The following ATP6V1E1 variants were observed in gnomAD, a reference collection of about 807,000 sequenced individuals.
ATP6V1E1 encodes V-type proton ATPase subunit E 1.
In ATP6V1E1, 21 loss-of-function variants were observed where a neutral mutation model predicts 35.2. The ratio of observed to expected loss-of-function variants is 0.60; its 90% CI spans 0.42 to 0.86. The LOEUF (loss-of-function observed/expected upper bound fraction) is 0.86, where lower values mean the gene tolerates loss of function less well. Among genes scored for constraint, ATP6V1E1 ranks in the 40% least tolerant of loss-of-function variants. The pLI, the probability that ATP6V1E1 is intolerant of heterozygous loss-of-function variation, is 0.00. For missense variants in ATP6V1E1, 183 were observed against 272.6 expected (o/e 0.67, Z 2.32); for synonymous variants, 83 against 87.8 (o/e 0.95, Z 0.30).
chr22:17,628,428 G>A (rs2057936177), intron 1 of ATP6V1E1, among the ~76,000 whole-genome samples, 175 bp downstream of exon 1: 1 of 152,270 alleles, frequency 6.6e-6, no homozygotes, highest in African/African-American at 2.4e-5. Context: ...AAAGTCACAT[G>A]AGCTGCGGGG....
intron 1 of ATP6V1E1, among the ~76,000 whole-genome samples, chr22:17,627,707 G>A (rs1245375124): frequency 6.7e-6 from 1 of 150,244 alleles, no homozygotes; most frequent in Non-Finnish European, 1.5e-5. Context: ...TGTAATCCCA[G>A]CTTCTAGGGA....
intron 2 of ATP6V1E1, 84 bp downstream of exon 2, chr22:17,619,377 G>T: frequency 8.6e-7 from 1 of 1,161,746 alleles, no homozygotes; most frequent in Non-Finnish European, 1.2e-6. Context: ...CTGTTGTTAA[G>T]CAGTTTTACT....
At chr22:17,594,135 G>A (rs988863829) in intron 8 of ATP6V1E1, among the ~76,000 whole-genome samples, 9 of 152,094 alleles carry the variant, frequency 5.9e-5, no homozygotes, top group African/African-American at 1.9e-4. Context: ...CTGGGAGGTG[G>A]AAGTTGCAGT....
At chr22:17,620,027 G>C (rs2146315080) in intron 1 of ATP6V1E1, among the ~76,000 whole-genome samples, 1 of 152,220 alleles carries the variant, frequency 6.6e-6, no homozygotes, top group East Asian at 1.9e-4. Flanking sequence ...AGTCTCACTT[G>C]CACCCTTCTC....
intron 5 of ATP6V1E1, chr22:17,600,736 C>T (rs1048219050): frequency 6.1e-6 from 1 of 164,902 alleles, no homozygotes; most frequent in South Asian, 1.8e-4. Flanking sequence ...AAAACATATA[C>T]AGTGTTTGGT....
intron 4 of ATP6V1E1, among the ~76,000 whole-genome samples, chr22:17,608,472 C>G (rs537271062): frequency 6.6e-6 from 1 of 152,298 alleles, no homozygotes; most frequent in East Asian, 1.9e-4. Flanking sequence ...GTCATTTATG[C>G]TGGAATGCAG....
At chr22:17,604,386 C>T (rs931884142) in intron 4 of ATP6V1E1, among the ~76,000 whole-genome samples, 2 of 152,212 alleles carry the variant, frequency 1.3e-5, no homozygotes, top group African/African-American at 4.8e-5. Flanking sequence ...CTGAACCTAA[C>T]TGCCCTGAGG....
chr22:17,615,297 T>C (rs546559948), intron 2 of ATP6V1E1, among the ~76,000 whole-genome samples: 2 of 152,018 alleles, frequency 1.3e-5, no homozygotes, highest in South Asian at 2.1e-4. Flanking sequence ...CAAGACTCCA[T>C]CCAAAAAAAA....
At chr22:17,597,016 C>T (rs978649443) in intron 7 of ATP6V1E1, among the ~76,000 whole-genome samples, 2 of 151,836 alleles carry the variant, frequency 1.3e-5, no homozygotes, top group Admixed American at 6.6e-5. Context: ...GCCGAGCGGG[C>T]AGATCACGAG....
In ATP6V1E1 at chr22:17,628,667, G is replaced by A. The variant is rs1175011075; in HGVS notation, c.-32C>T. On this transcript the variant is annotated 5_prime_UTR_variant, in exon 1 of 9. Transcript: ENST00000253413. ...AGCAATGCTAGGCCGGTGAACAGTA[G>A]GCTCGAGTTTAGGTTTGAAAGGTGA... is the stretch of plus-strand genomic sequence containing the variant. 6.2e-7 allele frequency: 1 copy of A among 1,614,034 alleles called. No homozygotes were observed.
chr22:17,598,105 T>C (rs2057741773), intron 7 of ATP6V1E1, 89 bp downstream of exon 7: 2 of 1,011,740 alleles, frequency 2.0e-6, no homozygotes, highest in African/African-American at 1.6e-5. Flanking sequence ...TGCGTTTAAA[T>C]GGTGAAAATA....
intron 2 of ATP6V1E1, among the ~76,000 whole-genome samples, chr22:17,618,437 C>A (rs887803997): frequency 6.6e-6 from 1 of 151,888 alleles, no homozygotes; most frequent in African/African-American, 2.4e-5. Flanking sequence ...AATCCCAGCA[C>A]TTTGGGAGGC....
At chr22:17,613,551 G>A (rs780733558) in intron 2 of ATP6V1E1, among the ~76,000 whole-genome samples, 6 of 151,458 alleles carry the variant, frequency 4.0e-5, no homozygotes, top group African/African-American at 7.3e-5. Context: ...AACAGTAACC[G>A]ACAAGTTACT....
intron 7 of ATP6V1E1, among the ~76,000 whole-genome samples, chr22:17,595,651 T>A (rs2146294477): frequency 6.6e-6 from 1 of 152,012 alleles, no homozygotes; most frequent in East Asian, 1.9e-4. Context: ...CGAAAGCCTG[T>A]CTCCACTAAA....
chr22:17,626,187 A>C (rs2057903641), intron 1 of ATP6V1E1, among the ~76,000 whole-genome samples: 2 of 151,794 alleles, frequency 1.3e-5, no homozygotes, highest in African/African-American at 4.8e-5. Context: ...GGCGCCTGTA[A>C]GTCCCAGCTT....
At chr22:17,621,695 T>C (rs2057878467) in intron 1 of ATP6V1E1, among the ~76,000 whole-genome samples, 1 of 152,206 alleles carries the variant, frequency 6.6e-6, no homozygotes, top group African/African-American at 2.4e-5. Context: ...TTCAGTTCCT[T>C]GAGCTCACCA....
At chr22:17,609,911 GATAA>G (rs1315737202) in intron 4 of ATP6V1E1, among the ~76,000 whole-genome samples, 1 of 152,200 alleles carries the variant, frequency 6.6e-6, no homozygotes, top group Non-Finnish European at 1.5e-5. Flanking sequence ...TGAAGTATTT[GATAA>G]ATGAATGAAT....
At chr22:17,611,931 T>C (rs892836814) in intron 4 of ATP6V1E1, among the ~76,000 whole-genome samples, 2 of 152,232 alleles carry the variant, frequency 1.3e-5, no homozygotes, top group Non-Finnish European at 2.9e-5. Context: ...TGTTTTCATA[T>C]AGGACTTACT....
chr22:17,610,043 G>T (rs5747266), intron 4 of ATP6V1E1, among the ~76,000 whole-genome samples: 52,765 of 151,810 alleles, frequency 0.35, 9,510 homozygotes, highest in African/African-American at 0.41. Context: ...AGGTGGGAAG[G>T]ACTGCTTGAG....
Sources: gnomAD v4.1 joint callset for allele counts (sites outside exome capture counted in the v4.1 genomes callset) on GRCh38, gnomAD v4.1.1 for gene constraint, MANE v1.5 for transcripts, NCBI Gene and HGNC (gene_info 2026-07-23, HGNC 2026-07-21) for gene names.